CD320: variants seen among roughly 807,000 people sequenced by gnomAD.
The protein encoded by CD320 is CD320 molecule, also known as CD320 antigen.
Under a neutral mutation model 22.1 loss-of-function variants are expected in CD320, and 16 were observed. That is an observed-to-expected ratio of 0.73 (90% CI 0.49 to 1.10). CD320 has a LOEUF of 1.10. Among genes scored for constraint, CD320 ranks in the 50% least tolerant of loss-of-function variants. The probability of loss-of-function intolerance (pLI) is 0.00; values close to 1 mark genes in which losing one functional copy is unlikely to be tolerated. For synonymous variants in CD320, 188 were observed against 167.8 expected (o/e 1.12, Z -0.93); for missense variants, 388 against 376.9 (o/e 1.03, Z -0.24).
At chr19:8,304,988 G>GC (rs746768979) in intron 2 of CD320, 43 bp downstream of exon 2, 6 of 1,596,640 alleles carry the variant, frequency 3.8e-6, no homozygotes, top group Non-Finnish European at 5.1e-6. Context: ...CCACCCTCAG[G>GC]CCCCGCCCCC....
chr19:8,306,744 C>T (rs1029536140), intron 1 of CD320, among the ~76,000 whole-genome samples: 18 of 152,334 alleles, frequency 1.2e-4, no homozygotes, highest in Admixed American at 6.5e-4. Flanking sequence ...TCCTTCCCCG[C>T]CCCCGGGAGA....
chr19:8,304,411 C>T (rs1200586877), intron 2 of CD320, among the ~76,000 whole-genome samples: 1 of 151,952 alleles, frequency 6.6e-6, no homozygotes, highest in Admixed American at 6.6e-5. Flanking sequence ...GGCGCAATCT[C>T]GACTCACTGA....
rs1352283687 is a variant in CD320 at position 8,305,140 on chromosome 19, C to T, written c.159G>A (p.Ser53=). The change falls in exon 2 of 5, where the codon TCG becomes TCA. Residue 53 remains serine, a synonymous_variant. Coordinates refer to ENST00000301458, the MANE Select transcript of CD320 (RefSeq NM_016579.4). ...SAQAAGPSSG[S]CPPTKFQCRT... ...GGCACTGGAACTTGGTGGGTGGGCA[C>T]GAGCCTGAGCTGGGGCCTGCGAGAT... 1.9e-6 allele frequency: 3 copies of T among 1,608,756 alleles called. No homozygotes were observed. Among genetic ancestry groups the T allele is most frequent in the Non-Finnish European group, 2.5e-6 (3 of 1,177,842 alleles).
chr19:8,303,289 G>C (rs529751610), intron 3 of CD320, among the ~76,000 whole-genome samples: 3 of 151,942 alleles, frequency 2.0e-5, no homozygotes, highest in Non-Finnish European at 2.9e-5. Context: ...GCTAACTTTT[G>C]TATTTTTAGT....
chr19:8,304,751 G>T, intron 2 of CD320: 1 of 434,858 alleles, frequency 2.3e-6, no homozygotes, highest in Non-Finnish European at 4.3e-6. Context: ...AGGCTGGAGT[G>T]CACTGGCACA....
intron 1 of CD320, among the ~76,000 whole-genome samples, chr19:8,307,142 A>C (rs1429800335): frequency 6.6e-6 from 1 of 151,966 alleles, no homozygotes; most frequent in Non-Finnish European, 1.5e-5. Context: ...AAATACAAAA[A>C]TTAGCCGGGC....
In CD320 at chr19:8,303,745, T is replaced by C. The variant is rs1970044014; in HGVS notation, c.502+110A>G. 4 of 749,526 alleles carry C rather than the reference T, an allele frequency of 5.3e-6. No homozygotes were observed. In the South Asian group the frequency reaches 6.0e-5, roughly 11 times the overall value. The allele number at this position is 749,526 out of a possible 1,614,324, so 46.4% of individuals were successfully genotyped here. A position where few individuals can be genotyped will look rare whatever the true frequency, so the allele number is the denominator to read the frequency against. On this transcript the variant is annotated intron_variant, in intron 3 of 4. Coordinates refer to ENST00000301458, the MANE Select transcript of CD320 (RefSeq NM_016579.4). ...TGATGTCTTGATTCCCCCACAGGGA[T>C]GCAGGCACGGGCAAAGGCATGTGTC...
At chr19:8,303,184 T>C (rs1197731030) in intron 3 of CD320, among the ~76,000 whole-genome samples, 12 of 150,162 alleles carry the variant, frequency 8.0e-5, no homozygotes, top group Non-Finnish European at 1.5e-4. Flanking sequence ...TGGCGCAATA[T>C]TGGCTCAGTG....
intron 3 of CD320, among the ~76,000 whole-genome samples, chr19:8,303,242 G>A (rs1055301509): frequency 6.7e-6 from 1 of 150,222 alleles, no homozygotes; most frequent in African/African-American, 2.4e-5. Flanking sequence ...TTAGCCTCCC[G>A]AGTAGCTGGG....
At position 8,305,053 on chromosome 19, in the gene CD320, A is replaced by G. The variant is rs1347191914; in HGVS notation, c.246T>C (p.Asp82=). The G allele has an allele frequency of 6.2e-7, 1 of 1,610,392 alleles. No homozygotes were observed. The highest frequency in any genetic ancestry group is 1.1e-5 in the South Asian group (1 of 91,078). ...WRCDRDLDCS[D]GSDEEECRIE... ...CACTGCACTCCTCCTCATCGCTGCC[A>G]TCGCTGCAGTCCAAGTCCCTGTCGC... The change falls in exon 2 of 5, where the codon GAT becomes GAC. Residue 82 remains aspartate, a synonymous_variant. Coordinates refer to ENST00000301458, the MANE Select transcript of CD320 (RefSeq NM_016579.4).
In CD320 at chr19:8,302,571, G is replaced by A; in HGVS notation, c.741C>T (p.Leu247=). The A allele has an allele frequency of 1.2e-6, 2 of 1,613,926 alleles. No homozygotes were observed. The highest frequency in any genetic ancestry group is 1.1e-5 in the South Asian group (1 of 91,090). Residue 247 remains leucine, a synonymous_variant, in exon 5 of 5, where the codon CTC becomes CTT. Transcript: ENST00000301458. The part of the protein sequence containing the change: ...VLSASLVTAT[L]LLLSWLRAQE... ...GGGCTCGGAGCCAGGACAAAAGGAG[G>A]AGGGTGGCGGTGACCAGGCTTGCAC...
chr19:8,303,132 T>C (rs1599621212), intron 3 of CD320, 152 bp from the exon 4 acceptor site: 2 of 658,346 alleles, frequency 3.0e-6, no homozygotes, highest in African/African-American at 3.8e-5. Flanking sequence ...TTTTTTTTTT[T>C]TGGAGAGGGA....
chr19:8,303,054 G>C lies in CD320; in HGVS notation c.503-74C>G, dbSNP rs1970033318. The C allele has an allele frequency of 6.8e-6, 9 of 1,318,372 alleles. No homozygotes were observed. In the South Asian group the frequency reaches 1.1e-4, roughly 16 times the overall value. 81.7% of individuals were successfully genotyped at this position (1,318,372 alleles called of 1,614,324 possible). A position where few individuals can be genotyped will look rare whatever the true frequency, so the allele number is the denominator to read the frequency against. Reference sequence around the variant, plus strand: ...GTGAGGGGGCCAGATGCCCAGGGGAGCCCTTGGGGTTTATCCTCAACCAAC... The same window carrying C: ...GTGAGGGGGCCAGATGCCCAGGGGACCCCTTGGGGTTTATCCTCAACCAAC... On this transcript the variant is annotated intron_variant, in intron 3 of 4. Coordinates refer to ENST00000301458, the MANE Select transcript of CD320 (RefSeq NM_016579.4).
chr19:8,307,837 G>C (rs1970115839), intron 1 of CD320, among the ~76,000 whole-genome samples: 1 of 152,174 alleles, frequency 6.6e-6, no homozygotes, highest in Non-Finnish European at 1.5e-5. Context: ...GAGCTTTCCT[G>C]ACCACGCTGG....
chr19:8,307,063 G>T (rs140639061), intron 1 of CD320, among the ~76,000 whole-genome samples: 17,368 of 151,896 alleles, frequency 0.11, 2,019 homozygotes, highest in African/African-American at 0.3. Flanking sequence ...AGGCTGAGGC[G>T]GACAGAACAC....
intron 4 of CD320, 44 bp downstream of exon 4, chr19:8,302,733 C>A (rs1215754484): frequency 6.2e-7 from 1 of 1,610,172 alleles, no homozygotes; most frequent in Non-Finnish European, 8.5e-7. Context: ...CCCTGAATCC[C>A]CGGAGCTCTA....
chr19:8,304,015 A>G lies in CD320; in HGVS notation c.342T>C (p.Ser114=). Reference sequence around the variant, plus strand: ...TCTTGTCAGTTCCCCCAGAGCAGTCACTGACGCCGGTGCAGGGGCAGGGGA... The same window carrying G: ...TCTTGTCAGTTCCCCCAGAGCAGTCGCTGACGCCGGTGCAGGGGCAGGGGA... ...PGLPCPCTGV[S]DCSGGTDKKL... The change falls in exon 3 of 5, where the codon AGT becomes AGC. Residue 114 remains serine, a synonymous_variant. Transcript: ENST00000301458. 1 of 1,567,240 alleles carries G rather than the reference A, an allele frequency of 6.4e-7. No homozygotes were observed. Among genetic ancestry groups the G allele is most frequent in the South Asian group, 1.2e-5 (1 of 85,490 alleles).
chr19:8,305,254 A>G (rs965441333), intron 1 of CD320, 98 bp from the exon 2 acceptor site: 15 of 1,453,978 alleles, frequency 1.0e-5, no homozygotes, highest in Non-Finnish European at 9.3e-7. Context: ...AGACAGGCGA[A>G]GTCCCGGGAT....
chr19:8,304,049 G>A lies in CD320; in HGVS notation c.308C>T (p.Pro103Leu), dbSNP rs1970051357. 6.4e-7 allele frequency: 1 copy of A among 1,556,252 alleles called. No individual in the cohort carries two copies. Among genetic ancestry groups the A allele is most frequent in the Non-Finnish European group, 8.7e-7 (1 of 1,148,734 alleles). ...GGTGCAGGGGCAGGGGAGGCCAGGG[G>A]GCGGTGGGCATTGCCCTTTCTGGGT... ...PCTQKGQCPP[P>L]PGLPCPCTGV... Residue 103 changes from proline to leucine, a missense_variant, in exon 3 of 5, where the codon CCC (proline) becomes CTC (leucine). By Grantham distance (98) the Pro-to-Leu change is moderately conservative. Coordinates refer to ENST00000301458, the MANE Select transcript of CD320 (RefSeq NM_016579.4).
Sources: gnomAD v4.1 joint callset for allele counts (sites outside exome capture counted in the v4.1 genomes callset) on GRCh38, gnomAD v4.1.1 for gene constraint, MANE v1.5 for transcripts, NCBI Gene and HGNC (gene_info 2026-07-23, HGNC 2026-07-21) for gene names.